PLEKHG7: variants seen among roughly 807,000 people sequenced by gnomAD.
The protein encoded by PLEKHG7 is pleckstrin homology domain-containing family G member 7.
A neutral mutation model predicts 85.2 loss-of-function variants in PLEKHG7; 77 were observed. That is an observed-to-expected ratio of 0.90 (90% CI 0.75 to 1.09). PLEKHG7 has a LOEUF of 1.09. Among genes scored for constraint, PLEKHG7 ranks in the 50% least tolerant of loss-of-function variants. PLEKHG7 has a pLI of 0.00. For synonymous variants in PLEKHG7, 301 were observed against 302.4 expected (o/e 1.00, Z 0.05); for missense variants, 777 against 804.3 (o/e 0.97, Z 0.41).
intron 9 of PLEKHG7, among the ~76,000 whole-genome samples, chr12:92,743,575 G>A (rs1001260335): frequency 1.3e-5 from 2 of 151,916 alleles, no homozygotes; most frequent in Non-Finnish European, 2.9e-5. Flanking sequence ...GGGGTGGTGG[G>A]GGTGATCAGA....
At position 92,740,850 on chromosome 12, in the gene PLEKHG7, A is replaced by C. The variant is rs1385904570; in HGVS notation, c.940-3A>C. On this transcript the variant is annotated splice_region_variant and splice_polypyrimidine_tract_variant and intron_variant, in intron 7 of 16. Coordinates refer to ENST00000344636, the MANE Select transcript of PLEKHG7 (RefSeq NM_001377329.1). ...TAATGTGTATATATTTTTTATTTCAAAGATCTTTATGAATACACTAAGATA... is the reference window on the plus strand; with the variant it reads ...TAATGTGTATATATTTTTTATTTCACAGATCTTTATGAATACACTAAGATA... The C allele has an allele frequency of 6.3e-7, 1 of 1,576,426 alleles. No homozygotes were observed. Among genetic ancestry groups the C allele is most frequent in the Non-Finnish European group, 8.7e-7 (1 of 1,152,038 alleles).
intron 3 of PLEKHG7, among the ~76,000 whole-genome samples, chr12:92,713,939 A>G (rs1384963619): frequency 1.3e-5 from 2 of 152,178 alleles, no homozygotes; most frequent in Non-Finnish European, 2.9e-5. Context: ...AGCCTGATCC[A>G]ACTCTATGTT....
chr12:92,766,162 C>T (rs1456323281), intron 15 of PLEKHG7, among the ~76,000 whole-genome samples: 3 of 152,216 alleles, frequency 2.0e-5, no homozygotes, highest in Non-Finnish European at 2.9e-5. Flanking sequence ...GTAGATAAAA[C>T]AAAGCCTCAG....
In PLEKHG7 at chr12:92,737,473, CA is replaced by C; in HGVS notation, c.892del (p.Thr298GlnfsTer12). The part of the protein sequence containing the change: ...KQQEAVWELF[T>X]SECTYFLDHL... ...AGCAAGAGGCCGTGTGGGAACTTTTCACAAGTGAATGCACCTATTTTTTGGA... is the reference window on the plus strand; with the variant it reads ...AGCAAGAGGCCGTGTGGGAACTTTTCCAAGTGAATGCACCTATTTTTTGGA... On this transcript the variant is annotated frameshift_variant, in exon 7 of 17. Coordinates refer to ENST00000344636, the MANE Select transcript of PLEKHG7 (RefSeq NM_001377329.1). LOFTEE classifies it high-confidence loss of function. 1 of 1,597,458 alleles carries C rather than the reference CA, an allele frequency of 6.3e-7. No individual in the cohort carries two copies. The highest frequency in any genetic ancestry group is 8.5e-7 in the Non-Finnish European group (1 of 1,176,096).
intron 14 of PLEKHG7, among the ~76,000 whole-genome samples, chr12:92,762,033 C>A (rs957206849): frequency 1.3e-5 from 2 of 150,214 alleles, no homozygotes; most frequent in Non-Finnish European, 2.9e-5. Flanking sequence ...TAAATGAAAC[C>A]AAAAAAATGC....
intron 4 of PLEKHG7, among the ~76,000 whole-genome samples, chr12:92,730,707 G>A (rs1270320800): frequency 2.0e-5 from 3 of 152,350 alleles, no homozygotes; most frequent in East Asian, 3.9e-4. Flanking sequence ...GGCGCAAGCC[G>A]CTGTGCCCAG....
In PLEKHG7 at chr12:92,772,092, G is replaced by GA. The variant is rs1024115246; in HGVS notation, c.*1903dup. 3.3e-5 allele frequency: 5 copies of GA among 151,426 alleles called. No homozygotes were observed. The highest frequency in any genetic ancestry group is 2.0e-4 in the Admixed American group (3 of 15,170). The allele number at this position is 151,426 out of a possible 1,614,324, so 9.4% of individuals were successfully genotyped here. On this transcript the variant is annotated 3_prime_UTR_variant, in exon 17 of 17. Transcript: ENST00000344636. ...ATTCTAGAACCGTGGCTCCCAGGAAGAAAAAATAGCAAAAAACAATGGCAC... is the reference window on the plus strand; with the variant it reads ...ATTCTAGAACCGTGGCTCCCAGGAAGAAAAAAATAGCAAAAAACAATGGCAC...
chr12:92,715,100 G>A (rs150449276), intron 3 of PLEKHG7, among the ~76,000 whole-genome samples: 189 of 152,244 alleles, frequency 1.2e-3, no homozygotes, highest in African/African-American at 4.1e-3. Flanking sequence ...ACATGATCAC[G>A]AGGTCCCACA....
intron 13 of PLEKHG7, among the ~76,000 whole-genome samples, chr12:92,757,389 C>G (rs1312184916): frequency 6.6e-6 from 1 of 152,020 alleles, no homozygotes; most frequent in Non-Finnish European, 1.5e-5. Context: ...AGTGTGAAGT[C>G]CTGTGGGATG....
At chr12:92,769,446 A>G (rs7133851) in intron 16 of PLEKHG7, among the ~76,000 whole-genome samples, 4,986 of 152,214 alleles carry the variant, frequency 0.033, 170 homozygotes, top group African/African-American at 0.088. Context: ...AGATGCTCCA[A>G]TCAGTTTCCA....
chr12:92,744,761 G>A (rs1285992238), intron 9 of PLEKHG7, among the ~76,000 whole-genome samples: 2 of 151,866 alleles, frequency 1.3e-5, no homozygotes, highest in Non-Finnish European at 2.9e-5. Context: ...CACCTCCTGG[G>A]TTCAAGCAAT....
intron 3 of PLEKHG7, among the ~76,000 whole-genome samples, chr12:92,716,206 C>A (rs1171464591): frequency 6.6e-6 from 1 of 152,080 alleles, no homozygotes; most frequent in Non-Finnish European, 1.5e-5. Context: ...AAGTGATTCT[C>A]TTGTCTCAGC....
chr12:92,707,554 A>T, intron 2 of PLEKHG7, 96 bp from the exon 3 acceptor site: 1 of 1,543,158 alleles, frequency 6.5e-7, no homozygotes, highest in Non-Finnish European at 8.8e-7. Flanking sequence ...TGTTTTAACT[A>T]GGAGGGCTCA....
intron 15 of PLEKHG7, among the ~76,000 whole-genome samples, chr12:92,764,818 A>G (rs1014923461): frequency 1.3e-5 from 2 of 152,164 alleles, no homozygotes; most frequent in African/African-American, 4.8e-5. Flanking sequence ...ACAGCCGTTG[A>G]CCTTGGGGAG....
intron 3 of PLEKHG7, among the ~76,000 whole-genome samples, chr12:92,727,129 T>A (rs890107655): frequency 6.6e-6 from 1 of 152,130 alleles, no homozygotes; most frequent in Admixed American, 6.5e-5. Context: ...GTTTTTGTCA[T>A]CACAGCCCTC....
At chr12:92,741,462 A>T in intron 8 of PLEKHG7, 29 bp from the exon 9 acceptor site, 2 of 1,515,076 alleles carry the variant, frequency 1.3e-6, no homozygotes, top group Non-Finnish European at 1.8e-6. Flanking sequence ...GTGTGTGCCT[A>T]TTTTTGTTTT....
At chr12:92,746,249 T>C (rs186616200) in intron 10 of PLEKHG7, among the ~76,000 whole-genome samples, 5 of 152,356 alleles carry the variant, frequency 3.3e-5, no homozygotes, top group Admixed American at 2.0e-4. Context: ...TTTTGGATCA[T>C]CCAGAGAAAA....
chr12:92,761,744 T>C lies in PLEKHG7; in HGVS notation c.1637-8T>C, dbSNP rs1353037165. On this transcript the variant is annotated splice_polypyrimidine_tract_variant and splice_region_variant and intron_variant, in intron 13 of 16. Transcript: ENST00000344636. Reference sequence around the variant, plus strand: ...GGTCCCCATTTCAGCTTCTCTTTTTTTCCTCAGAAAGCACGAGATTCCTAG... The same window carrying C: ...GGTCCCCATTTCAGCTTCTCTTTTTCTCCTCAGAAAGCACGAGATTCCTAG... 12 of 1,558,750 alleles carry C rather than the reference T, an allele frequency of 7.7e-6. No homozygotes were observed. Among genetic ancestry groups the C allele is most frequent in the Non-Finnish European group, 1.0e-5 (12 of 1,160,922 alleles).
intron 1 of PLEKHG7, among the ~76,000 whole-genome samples, chr12:92,705,071 T>G (rs1565784414): frequency 6.6e-6 from 1 of 152,120 alleles, no homozygotes; most frequent in Non-Finnish European, 1.5e-5. Context: ...CTGACACAGA[T>G]TAAAAGAAAC....
Sources: allele counts gnomAD v4.1 joint callset (sites outside exome capture counted in the v4.1 genomes callset), GRCh38; gene constraint gnomAD v4.1.1; transcripts MANE v1.5; gene names NCBI Gene and HGNC (gene_info 2026-07-23, HGNC 2026-07-21).